Variants in PDE1A observed in about 807,000 individuals in gnomAD.
PDE1A encodes the protein dual specificity calcium/calmodulin-dependent 3',5'-cyclic nucleotide phosphodiesterase 1A.
Under a neutral mutation model 61.7 loss-of-function variants are expected in PDE1A, and 35 were observed. The observed-to-expected ratio is 0.57, with a 90% CI of 0.43 to 0.75. PDE1A has a LOEUF of 0.75. Ranked by LOEUF, PDE1A falls within the 30% of genes least tolerant of loss-of-function variation. The pLI is 0.00. For missense variants in PDE1A, 597 were observed against 630.6 expected (o/e 0.95, Z 0.57); for synonymous variants, 232 against 213.2 (o/e 1.09, Z -0.77).
At chr2:182,283,159 G>C (rs573214938) in intron 1 of PDE1A, among the ~76,000 whole-genome samples, 1 of 152,000 alleles carries the variant, frequency 6.6e-6, no homozygotes. Flanking sequence ...CAAGGACTAG[G>C]AAATGTAATG....
chr2:182,336,284 T>C (rs1461236365), intron 1 of PDE1A, among the ~76,000 whole-genome samples: 3 of 152,074 alleles, frequency 2.0e-5, no homozygotes, highest in Non-Finnish European at 4.4e-5. Flanking sequence ...ACCCAAGAGA[T>C]TATAAATCAT....
chr2:182,581,768 C>T, the PDE1A span, among the ~76,000 whole-genome samples: 4 of 152,134 alleles, frequency 2.6e-5, no homozygotes, highest in Non-Finnish European at 2.9e-5. Context: ...AATAACAGGG[C>T]TAGCAACTGG....
the PDE1A span, among the ~76,000 whole-genome samples, chr2:182,678,305 C>T: frequency 1.3e-5 from 2 of 152,262 alleles, no homozygotes; most frequent in South Asian, 2.1e-4. Context: ...CGCCTGTAAT[C>T]CCAGCTACTC....
intron 2 of PDE1A, among the ~76,000 whole-genome samples, chr2:182,479,545 A>C (rs946152144): frequency 6.7e-6 from 1 of 148,198 alleles, no homozygotes; most frequent in Non-Finnish European, 1.5e-5. Flanking sequence ...GAAGACAGGC[A>C]GGAAGGAAGA....
chr2:182,426,902 A>G, exon 1 of PDE1A: 1 of 1,242,940 alleles, frequency 8.0e-7, no homozygotes, highest in Non-Finnish European at 1.0e-6. Flanking sequence ...TCCAGGCAAG[A>G]GAAGTGCACG....
chr2:182,637,559 A>G, the PDE1A span, among the ~76,000 whole-genome samples: 8 of 152,214 alleles, frequency 5.3e-5, no homozygotes, highest in Admixed American at 5.2e-4. Context: ...AGAAAATACC[A>G]ATGATGAAGG....
chr2:182,336,031 T>G (rs2118486), intron 1 of PDE1A, among the ~76,000 whole-genome samples: 1 of 152,008 alleles, frequency 6.6e-6, no homozygotes, highest in Non-Finnish European at 1.5e-5. Flanking sequence ...TCATCATCAC[T>G]GGTCATTAGA....
chr2:182,218,090 TA>T (rs1335916874), intron 7 of PDE1A, among the ~76,000 whole-genome samples: 1 of 149,424 alleles, frequency 6.7e-6, no homozygotes, highest in Non-Finnish European at 1.5e-5. Context: ...TATGCAGCCA[TA>T]AAAAATGATG....
chr2:182,513,571 G>A (rs865883234), intron 2 of PDE1A, among the ~76,000 whole-genome samples: 18 of 152,160 alleles, frequency 1.2e-4, no homozygotes, highest in Admixed American at 3.9e-4. Context: ...CTAACAACAT[G>A]TCAGGATCAA....
the PDE1A span, among the ~76,000 whole-genome samples, chr2:182,705,834 C>CA: frequency 4.6e-5 from 7 of 152,054 alleles, no homozygotes; most frequent in African/African-American, 7.2e-5. Context: ...TCTTTAAAAA[C>CA]AAAAAAGTTC....
chr2:182,639,811 C>T, the PDE1A span, among the ~76,000 whole-genome samples: 4 of 150,212 alleles, frequency 2.7e-5, no homozygotes. Flanking sequence ...TGGAATAGAA[C>T]AAATATATAA....
At chr2:182,431,833 A>C (rs1703966503), upstream of PDE1A, among the ~76,000 whole-genome samples, 3 of 152,064 alleles carry the variant, frequency 2.0e-5, no homozygotes, top group South Asian at 6.2e-4. Flanking sequence ...ATTGGGAAAA[A>C]GAAGAAACAA....
chr2:182,328,196 C>T (rs190056669), intron 1 of PDE1A, among the ~76,000 whole-genome samples: 2 of 152,136 alleles, frequency 1.3e-5, no homozygotes, highest in Admixed American at 1.3e-4. Context: ...AGTATTTAAG[C>T]CTGTAGCAGT....
chr2:182,384,455 A>AG (rs1700910384), intron 1 of PDE1A, among the ~76,000 whole-genome samples: 1 of 107,088 alleles, frequency 9.3e-6, no homozygotes, highest in African/African-American at 3.4e-5. Context: ...TTTAATAAAG[A>AG]GAAAATAATA....
intron 1 of PDE1A, among the ~76,000 whole-genome samples, chr2:182,271,451 A>G (rs550945410): frequency 8.5e-5 from 13 of 152,252 alleles, no homozygotes; most frequent in African/African-American, 2.4e-4. Flanking sequence ...CTCTTCCCCA[A>G]AAGTCACAAT....
At chr2:182,285,506 GA>G (rs1694096580) in intron 1 of PDE1A, among the ~76,000 whole-genome samples, 1 of 152,056 alleles carries the variant, frequency 6.6e-6, no homozygotes, top group African/African-American at 2.4e-5. Flanking sequence ...TATGTCTAAG[GA>G]CACTTAGCAG....
chr2:182,704,805 A>G, the PDE1A span, among the ~76,000 whole-genome samples: 1 of 152,198 alleles, frequency 6.6e-6, no homozygotes, highest in Non-Finnish European at 1.5e-5. Flanking sequence ...TCTGTGGAAA[A>G]CTTCATTGTA....
chr2:182,388,180 A>G (rs555812278), intron 1 of PDE1A, among the ~76,000 whole-genome samples: 8 of 152,328 alleles, frequency 5.3e-5, no homozygotes, highest in African/African-American at 1.9e-4. Flanking sequence ...TTAAATATAT[A>G]TGAGAAATAT....
the PDE1A span, among the ~76,000 whole-genome samples, chr2:182,684,066 T>A: frequency 6.9e-6 from 1 of 145,432 alleles, no homozygotes; most frequent in Non-Finnish European, 1.5e-5. Flanking sequence ...GAGGTTGCAG[T>A]GAGCTGAGAT....
Sources: allele counts gnomAD v4.1 joint callset (sites outside exome capture counted in the v4.1 genomes callset), GRCh38; gene constraint gnomAD v4.1.1; transcripts MANE v1.5; gene names NCBI Gene and HGNC (gene_info 2026-07-23, HGNC 2026-07-21).